The following FAAH2 variants were observed in gnomAD, a reference collection of about 807,000 sequenced individuals.
FAAH2 encodes the protein fatty acid amide hydrolase 2.
In FAAH2, 60 loss-of-function variants were observed where a neutral mutation model predicts 36.9. The ratio of observed to expected loss-of-function variants is 1.63; its 90% CI spans 1.32 to 2.02. FAAH2 has a LOEUF of 2.02. FAAH2 is among the 30% of genes most tolerant of loss of function. The pLI is 0.00. For missense variants in FAAH2, 689 were observed against 397.5 expected, an observed-to-expected ratio of 1.73 and a Z score of -6.23; for synonymous variants, 214 against 143.8, an observed-to-expected ratio of 1.49 and a Z score of -3.49.
chrX:57,377,918 C>T (rs1272074017), intron 5 of FAAH2, among the ~76,000 whole-genome samples: 11 of 111,474 alleles, frequency 9.9e-5, no homozygotes, highest in South Asian at 3.7e-4. Flanking sequence ...TGTGAATGAG[C>T]GCTCACTCAT....
chrX:57,208,833 G>A, the FAAH2 span, among the ~76,000 whole-genome samples: 3 of 112,216 alleles, frequency 2.7e-5, no homozygotes, highest in African/African-American at 6.5e-5. Context: ...CACGTTCTTA[G>A]GGCACAGATC....
chrX:57,475,287 G>T lies in FAAH2; in HGVS notation c.1424-13470G>T, dbSNP rs187278257. 1.9e-3 allele frequency among the ~76,000 whole-genome samples: 216 copies of T among 111,434 alleles called. 1 individual carries two copies. Among genetic ancestry groups the T allele is most frequent in the Non-Finnish European group, 2.5e-3 (133 of 53,016 alleles). ...ATTTGCCCATGCCTATGTCCAGAAT[G>T]GTATTGCCTAGGGTTTCTTCTGGGT... is the stretch of plus-strand genomic sequence containing the variant. On this transcript the variant is annotated intron_variant, in intron 10 of 10. Transcript: ENST00000374900.
the FAAH2 span, among the ~76,000 whole-genome samples, chrX:57,276,543 AG>A: frequency 2.7e-5 from 3 of 111,572 alleles, no homozygotes; most frequent in Non-Finnish European, 5.6e-5. Context: ...CAAATTCAAA[AG>A]CTACCCGAAG....
the FAAH2 span, among the ~76,000 whole-genome samples, chrX:57,165,808 T>C: frequency 2.1e-4 from 23 of 111,160 alleles, no homozygotes; most frequent in Non-Finnish European, 3.8e-5. Context: ...TAGAAAAATG[T>C]GGGGTCCCTG....
chrX:57,311,951 C>T (rs914692237), intron 3 of FAAH2, among the ~76,000 whole-genome samples: 1 of 112,033 alleles, frequency 8.9e-6, no homozygotes, highest in Non-Finnish European at 1.9e-5. Flanking sequence ...GCTCCCAACC[C>T]CAGAACACTG....
intron 7 of FAAH2, among the ~76,000 whole-genome samples, chrX:57,387,365 G>C (rs998480646): frequency 2.7e-5 from 3 of 111,218 alleles, no homozygotes; most frequent in Admixed American, 9.6e-5. Flanking sequence ...CTCAAGGAGT[G>C]CTATTTTAAA....
At chrX:57,177,465 A>G in the FAAH2 span, among the ~76,000 whole-genome samples, 2 of 103,010 alleles carry the variant, frequency 1.9e-5, no homozygotes. Context: ...AATAATAATA[A>G]TAATATATAT....
chrX:57,291,271 G>A (rs1336329153), intron 1 of FAAH2, among the ~76,000 whole-genome samples: 1 of 111,838 alleles, frequency 8.9e-6, no homozygotes, highest in Non-Finnish European at 1.9e-5. Context: ...TATGCTTCAT[G>A]TATTTGCCAG....
chrX:57,134,590 A>G, the FAAH2 span: 1 of 111,663 alleles, frequency 9.0e-6, no homozygotes, highest in East Asian at 2.8e-4. Context: ...GAAAACAAAC[A>G]TTCCAGCAGA....
At chrX:57,454,988 G>T (rs2056843271) in intron 10 of FAAH2, among the ~76,000 whole-genome samples, 1 of 110,800 alleles carries the variant, frequency 9.0e-6, no homozygotes, top group African/African-American at 3.3e-5. Context: ...AAACCGGAAG[G>T]TACATAGTCA....
At chrX:57,374,919 T>A (rs895238507) in intron 5 of FAAH2, among the ~76,000 whole-genome samples, 1 of 111,780 alleles carries the variant, frequency 8.9e-6, no homozygotes, top group African/African-American at 3.3e-5. Context: ...TAATCATGAA[T>A]GGATGCTGAA....
intron 3 of FAAH2, among the ~76,000 whole-genome samples, chrX:57,315,940 C>G: frequency 9.0e-6 from 1 of 111,331 alleles, no homozygotes; most frequent in Non-Finnish European, 1.9e-5. Context: ...AAAAGGCATC[C>G]AAATAGGAAA....
At chrX:57,417,244 TTCTC>T (rs1300695984) in intron 7 of FAAH2, among the ~76,000 whole-genome samples, 1 of 112,196 alleles carries the variant, frequency 8.9e-6, no homozygotes, top group Non-Finnish European at 1.9e-5. Flanking sequence ...ATCAAACTCT[TTCTC>T]TGTCCAGTTT....
chrX:57,165,374 G>A, the FAAH2 span, among the ~76,000 whole-genome samples: 5 of 112,401 alleles, frequency 4.4e-5, no homozygotes, highest in Admixed American at 1.9e-4. Flanking sequence ...AAAAGGATGA[G>A]TTCATGTCCT....
intron 8 of FAAH2, among the ~76,000 whole-genome samples, chrX:57,433,765 G>A (rs1391503913): frequency 3.6e-5 from 4 of 111,841 alleles, no homozygotes; most frequent in Non-Finnish European, 7.5e-5. Flanking sequence ...AGTTTCTTGT[G>A]CATTTGCACT....
chrX:57,329,687 C>T (rs190476607), intron 3 of FAAH2, among the ~76,000 whole-genome samples: 536 of 109,348 alleles, frequency 4.9e-3, no homozygotes, highest in African/African-American at 0.012. Context: ...TCATCGTGGG[C>T]GAGTGCATGT....
At chrX:57,242,153 C>A in the FAAH2 span, among the ~76,000 whole-genome samples, 1 of 112,418 alleles carries the variant, frequency 8.9e-6, no homozygotes, top group Non-Finnish European at 1.9e-5. Context: ...CCCCGTGCCT[C>A]CCGACTGGGA....
At chrX:57,322,886 G>T (rs1465221663) in intron 3 of FAAH2, among the ~76,000 whole-genome samples, 1 of 109,348 alleles carries the variant, frequency 9.1e-6, no homozygotes, top group Non-Finnish European at 1.9e-5. Flanking sequence ...ACAACATGCA[G>T]GTTTGTTACC....
Position 57,432,345 on chromosome X carries a change from C to G in FAAH2, c.1116+308C>G, listed in dbSNP as rs139309670. Reference sequence around the variant, plus strand: ...GGTAGAGAAGAGATAAAGATTATGCCAGGCAGAGGGGAAACCACGGCAAGA... The same window carrying G: ...GGTAGAGAAGAGATAAAGATTATGCGAGGCAGAGGGGAAACCACGGCAAGA... On this transcript the variant is annotated intron_variant, in intron 8 of 10. Coordinates refer to ENST00000374900, the MANE Select transcript of FAAH2 (RefSeq NM_174912.4). Among the ~76,000 whole-genome samples the G allele has an allele frequency of 4.3e-3, 476 of 110,787 alleles. 3 individuals carry two copies. Among genetic ancestry groups the G allele is most frequent in the African/African-American group, 0.015 (456 of 30,529 alleles).
Sources: allele counts gnomAD v4.1 joint callset (sites outside exome capture counted in the v4.1 genomes callset), GRCh38; gene constraint gnomAD v4.1.1; transcripts MANE v1.5; gene names NCBI Gene and HGNC (gene_info 2026-07-23, HGNC 2026-07-21).